Variants in CADPS2 observed in about 807,000 individuals in gnomAD.
CADPS2 encodes the protein calcium-dependent secretion activator 2.
A neutral mutation model predicts 172.5 loss-of-function variants in CADPS2; 93 were observed. The ratio of observed to expected loss-of-function variants is 0.54; its 90% confidence interval spans 0.46 to 0.64. The LOEUF (loss-of-function observed/expected upper bound fraction) is 0.64. CADPS2 is among the 30% of genes least tolerant of loss of function. The pLI, the probability that CADPS2 is intolerant of heterozygous loss-of-function variation, is 0.00. For synonymous variants in CADPS2, 546 were observed against 555.2 expected, an observed-to-expected ratio of 0.98 and a Z score of 0.23; for missense variants, 1,420 against 1,565.9, an observed-to-expected ratio of 0.91 and a Z score of 1.57.
At chr7:122,542,673 T>C (rs1157090457) in intron 8 of CADPS2, among the ~76,000 whole-genome samples, 3 of 152,138 alleles carry the variant, frequency 2.0e-5, no homozygotes, top group African/African-American at 7.2e-5. Flanking sequence ...TTCATTTTAA[T>C]GTTTTACACA....
chr7:122,395,657 C>T (rs2044994691), intron 20 of CADPS2: 1 of 152,186 alleles, frequency 6.6e-6, no homozygotes, highest in Admixed American at 6.5e-5. Context: ...ATACTGATAT[C>T]TGAATTTATT....
intron 8 of CADPS2, among the ~76,000 whole-genome samples, chr7:122,554,080 C>T (rs193251521): frequency 8.3e-4 from 127 of 152,206 alleles, no homozygotes; most frequent in Middle Eastern, 3.4e-3. Flanking sequence ...TCAATTCTCA[C>T]TCACATGTTT....
At chr7:122,424,423 G>A (rs2048896938) in intron 17 of CADPS2, 1 of 641,856 alleles carries the variant, frequency 1.6e-6, no homozygotes, top group African/African-American at 2.0e-5. Context: ...AATGACAGCT[G>A]GGCTGAATCC....
chr7:122,483,559 T>C (rs112047381), intron 11 of CADPS2, among the ~76,000 whole-genome samples: 6 of 152,220 alleles, frequency 3.9e-5, no homozygotes, highest in African/African-American at 1.4e-4. Context: ...ATGTACATAA[T>C]GGACATGTAC....
chr7:122,635,249 TCTGA>T (rs1222702418), intron 3 of CADPS2, among the ~76,000 whole-genome samples: 9 of 151,930 alleles, frequency 5.9e-5, no homozygotes, highest in Admixed American at 5.3e-4. Flanking sequence ...TGCTGAAGTC[TCTGA>T]CTATTAATGT....
intron 25 of CADPS2, among the ~76,000 whole-genome samples, chr7:122,375,954 G>A (rs1167930844): frequency 6.6e-6 from 1 of 151,834 alleles, no homozygotes; most frequent in Non-Finnish European, 1.5e-5. Context: ...TAATGAACAT[G>A]TATAAATGGC....
chr7:122,681,567 A>C (rs1456903415), intron 2 of CADPS2: 2 of 1,494,996 alleles, frequency 1.3e-6, no homozygotes, highest in Non-Finnish European at 1.8e-6. Context: ...CAAAGTAGTC[A>C]GGAATCGATC....
At chr7:122,603,389 A>T (rs1023235881) in intron 6 of CADPS2, among the ~76,000 whole-genome samples, 1 of 147,080 alleles carries the variant, frequency 6.8e-6, no homozygotes, top group Non-Finnish European at 1.5e-5. Context: ...CCTCCTGTAA[A>T]TTTCCTGGAC....
At chr7:122,556,043 G>C (rs1318717188) in intron 7 of CADPS2, among the ~76,000 whole-genome samples, 1 of 151,982 alleles carries the variant, frequency 6.6e-6, no homozygotes, top group Non-Finnish European at 1.5e-5. Context: ...TTCCTATAAA[G>C]CCATAGCTGT....
intron 9 of CADPS2, among the ~76,000 whole-genome samples, chr7:122,493,656 C>T (rs766032758): frequency 9.3e-5 from 14 of 151,344 alleles, no homozygotes; most frequent in Non-Finnish European, 1.9e-4. Context: ...TTACGTTTTA[C>T]GTACATCACA....
At chr7:122,884,684 AT>A (rs1484838511) in intron 1 of CADPS2, among the ~76,000 whole-genome samples, 6 of 152,176 alleles carry the variant, frequency 3.9e-5, no homozygotes, top group African/African-American at 1.4e-4. Context: ...ACCACTTAAA[AT>A]TTTTTTCTAA....
chr7:122,878,468 G>A (rs1035047500), intron 1 of CADPS2, among the ~76,000 whole-genome samples: 5 of 151,460 alleles, frequency 3.3e-5, no homozygotes, highest in African/African-American at 9.7e-5. Flanking sequence ...GTGAAACCCC[G>A]TCTCTACTAA....
intron 22 of CADPS2, among the ~76,000 whole-genome samples, chr7:122,390,020 C>T (rs1288216231): frequency 6.6e-6 from 1 of 152,050 alleles, no homozygotes; most frequent in African/African-American, 2.4e-5. Flanking sequence ...GCCCTCCACC[C>T]TGGCCTCAGC....
rs564806578 is a variant in CADPS2 at position 122,676,488 on chromosome 7, C to G, written c.454-12919G>C. On this transcript the variant is annotated intron_variant, in intron 2 of 29. Coordinates refer to ENST00000449022, the MANE Select transcript of CADPS2 (RefSeq NM_017954.11). ...AAATGAGGACATTTTATATACCAGG[C>G]TGTATCTCGACTGCTCACTACATTG... The G allele has an allele frequency of 3.2e-4, 129 of 400,328 alleles. No individual in the cohort carries two copies. The Admixed American group carries it at 3.7e-3, about 12-fold the overall frequency. 24.8% of individuals were successfully genotyped at this position (400,328 alleles called of 1,614,324 possible).
Position 122,416,109 on chromosome 7 carries a change from T to C in CADPS2, c.2532A>G (p.Ala844=). The change falls in exon 18 of 30, where the codon GCA becomes GCG. Residue 844 remains alanine (A), a synonymous_variant. Transcript: ENST00000449022. ...ARKLEEILHL[A]ELCIEVLQQN... ...GCTGTAAGACTTCTATGCAGAGCTC[T>C]GCCAGATGAAGAATCTCTTCCAGCT... 6.4e-7 allele frequency: 1 copy of C among 1,555,308 alleles called. No individual in the cohort carries two copies. Among genetic ancestry groups the C allele is most frequent in the African/African-American group, 1.4e-5 (1 of 73,988 alleles).
chr7:122,643,557 G>C (rs889511998), intron 3 of CADPS2, among the ~76,000 whole-genome samples: 1 of 152,178 alleles, frequency 6.6e-6, no homozygotes, highest in African/African-American at 2.4e-5. Flanking sequence ...TTGCTTTCAA[G>C]CATCTCACAA....
At chr7:122,606,518 T>C (rs181502808) in intron 6 of CADPS2, among the ~76,000 whole-genome samples, 203 of 152,256 alleles carry the variant, frequency 1.3e-3, no homozygotes, top group Middle Eastern at 0.01. Flanking sequence ...AGAAAAAGAA[T>C]TGGCCCTTTA....
chr7:122,444,983 T>C (rs1586108576), intron 15 of CADPS2, among the ~76,000 whole-genome samples: 1 of 152,308 alleles, frequency 6.6e-6, no homozygotes, highest in South Asian at 2.1e-4. Context: ...GAATATCCAA[T>C]AGTTCCGGTA....
At chr7:122,576,526 G>A (rs1213571701) in intron 7 of CADPS2, among the ~76,000 whole-genome samples, 1 of 152,098 alleles carries the variant, frequency 6.6e-6, no homozygotes, top group Non-Finnish European at 1.5e-5. Context: ...GTGTGTTCAT[G>A]TTAGTGTGCA....
Sources: gnomAD v4.1 joint callset for allele counts (sites outside exome capture counted in the v4.1 genomes callset) on GRCh38, gnomAD v4.1.1 for gene constraint, MANE v1.5 for transcripts, NCBI Gene and HGNC (gene_info 2026-07-23, HGNC 2026-07-21) for gene names.